Variants in CASQ2 observed in about 807,000 individuals in gnomAD.
CASQ2 encodes calsequestrin 2, also known as calsequestrin-2.
CASQ2 carries 49 observed loss-of-function variants against 46.5 expected under a neutral mutation model. That is an observed-to-expected ratio of 1.05 (90% confidence interval 0.84 to 1.34). CASQ2 has a LOEUF of 1.34. CASQ2 is among the 40% of genes most tolerant of loss of function. CASQ2 has a pLI of 0.00. For synonymous variants in CASQ2, 174 were observed against 168.5 expected, an observed-to-expected ratio of 1.03 and a Z score of -0.25; for missense variants, 486 against 481.3, an observed-to-expected ratio of 1.01 and a Z score of -0.09.
rs1427126999 is a variant in CASQ2, at chr1:115,705,760, G to A, written c.839-468C>T. On this transcript the variant is annotated intron_variant, in intron 8 of 10. Transcript: ENST00000261448. ...AATTGCTAAAACCTTCAAACCAAAC[G>A]AGCTTCTGATTTACAGTTGGTTTCA... Among the ~76,000 whole-genome samples the A allele has an allele frequency of 2.0e-5, 3 of 152,100 alleles. No homozygotes were observed. In the East Asian group the frequency reaches 5.8e-4, roughly 29 times the overall value.
chr1:115,719,496 T>C (rs1178674212), intron 7 of CASQ2, among the ~76,000 whole-genome samples: 1 of 152,214 alleles, frequency 6.6e-6, no homozygotes, highest in East Asian at 1.9e-4. Flanking sequence ...CCATATTTGT[T>C]TTCTAGAAGG....
chr1:115,734,828 G>T (rs993731458), intron 4 of CASQ2, among the ~76,000 whole-genome samples: 5 of 152,190 alleles, frequency 3.3e-5, no homozygotes, highest in Non-Finnish European at 7.3e-5. Context: ...GATGGCACCA[G>T]TTAGAAACCC....
At chr1:115,723,064 A>G (rs906239701) in intron 7 of CASQ2, among the ~76,000 whole-genome samples, 1 of 152,034 alleles carries the variant, frequency 6.6e-6, no homozygotes, top group Non-Finnish European at 1.5e-5. Context: ...AATAATAATA[A>G]TAAAAGAAAA....
At chr1:115,757,586 G>T (rs1414165809) in intron 1 of CASQ2, among the ~76,000 whole-genome samples, 1 of 152,098 alleles carries the variant, frequency 6.6e-6, no homozygotes, top group Non-Finnish European at 1.5e-5. Flanking sequence ...CCTCTCTTGG[G>T]GTTTGGAAAT....
intron 1 of CASQ2, among the ~76,000 whole-genome samples, chr1:115,754,316 G>T (rs1648682274): frequency 6.6e-6 from 1 of 152,132 alleles, no homozygotes; most frequent in Non-Finnish European, 1.5e-5. Flanking sequence ...GGAGAGAGAG[G>T]CTGTTGATTG....
chr1:115,708,424 A>C (rs1654429952), intron 8 of CASQ2, among the ~76,000 whole-genome samples: 1 of 152,230 alleles, frequency 6.6e-6, no homozygotes. Context: ...GACAGAACAG[A>C]GCCCATTCTT....
chr1:115,732,786 A>G lies in CASQ2; in HGVS notation c.606+115T>C. On this transcript the variant is annotated intron_variant, in intron 5 of 10. Coordinates refer to ENST00000261448, the MANE Select transcript of CASQ2 (RefSeq NM_001232.4). ...TATAATTCTTAACCCTTCTAGAGAA[A>G]GAGGCAAGGGAGGATGGTTAATGTT... is the stretch of plus-strand genomic sequence containing the variant. 3 of 772,008 alleles carry G rather than the reference A, an allele frequency of 3.9e-6. No homozygotes were observed. In the East Asian group the frequency reaches 7.4e-5, roughly 19 times the overall value. The allele number at this position is 772,008 out of a possible 1,614,324, so 47.8% of individuals were successfully genotyped here.
At chr1:115,751,335 A>G (rs542094453) in intron 1 of CASQ2, among the ~76,000 whole-genome samples, 1 of 152,258 alleles carries the variant, frequency 6.6e-6, no homozygotes, top group Non-Finnish European at 1.5e-5. Flanking sequence ...GTCAGCTCCA[A>G]GGGCCTTGTG....
intron 8 of CASQ2, among the ~76,000 whole-genome samples, chr1:115,706,751 T>TA (rs1425622722): frequency 2.0e-5 from 3 of 151,942 alleles, no homozygotes; most frequent in Non-Finnish European, 2.9e-5. Context: ...GTCTGGAGTC[T>TA]CAGCAAACTT....
intron 3 of CASQ2, among the ~76,000 whole-genome samples, chr1:115,739,063 TA>T (rs36062822): frequency 0.23 from 31,595 of 140,316 alleles, 4,782 homozygotes; most frequent in African/African-American, 0.43. Flanking sequence ...TTTCTTTTTT[TA>T]AAAAAAAAAA....
chr1:115,709,595 C>T (rs1021202606), intron 8 of CASQ2, among the ~76,000 whole-genome samples: 1 of 152,180 alleles, frequency 6.6e-6, no homozygotes, highest in African/African-American at 2.4e-5. Context: ...AGCATCAGTT[C>T]TCAAAATCAG....
chr1:115,748,472 GA>G (rs1238862087), intron 1 of CASQ2, among the ~76,000 whole-genome samples: 13 of 152,116 alleles, frequency 8.5e-5, no homozygotes, highest in Non-Finnish European at 2.9e-5. Flanking sequence ...GTTGGGGACT[GA>G]GGGGTGGGAG....
chr1:115,759,906 GAGGAT>G lies in CASQ2; in HGVS notation c.234+8397_234+8401del, dbSNP rs1474845798. 8.5e-5 allele frequency among the ~76,000 whole-genome samples: 13 copies of G among 152,280 alleles called. No homozygotes were observed. The South Asian group carries it at 2.7e-3, about 32-fold the overall frequency. On this transcript the variant is annotated intron_variant, in intron 1 of 10. Transcript: ENST00000261448. Reference sequence around the variant, plus strand: ...GAAGGTCAACTCTGAACCCTGACCTGAGGATAGTTAGAAGGCCACCTTCTGAGTTG... The same window carrying G: ...GAAGGTCAACTCTGAACCCTGACCTGAGTTAGAAGGCCACCTTCTGAGTTG...
At chr1:115,760,345 A>G (rs1236167375) in intron 1 of CASQ2, among the ~76,000 whole-genome samples, 1 of 152,214 alleles carries the variant, frequency 6.6e-6, no homozygotes, top group East Asian at 1.9e-4. Flanking sequence ...ATTCTGAGAT[A>G]TGGCCTGAGA....
chr1:115,744,105 C>T lies in CASQ2; in HGVS notation c.319+723G>A, dbSNP rs377331013. Among the ~76,000 whole-genome samples the T allele has an allele frequency of 8.8e-5, 13 of 148,554 alleles. No individual in the cohort carries two copies. The South Asian group carries it at 1.1e-3, about 12-fold the overall frequency. ...GTTGCAGTGAGCTGAAATCACATCA[C>T]GGCACTCCAGCCTGGGTGACAGTGA... On this transcript the variant is annotated intron_variant, in intron 2 of 10. Coordinates refer to ENST00000261448, the MANE Select transcript of CASQ2 (RefSeq NM_001232.4).
chr1:115,730,333 G>A (rs1647742886), intron 5 of CASQ2, among the ~76,000 whole-genome samples: 1 of 152,120 alleles, frequency 6.6e-6, no homozygotes, highest in Non-Finnish European at 1.5e-5. Flanking sequence ...CAACTCATAT[G>A]ATGTATTTAT....
chr1:115,741,556 C>G (rs926375721), intron 2 of CASQ2, among the ~76,000 whole-genome samples: 23 of 152,218 alleles, frequency 1.5e-4, no homozygotes, highest in Admixed American at 9.8e-4. Flanking sequence ...TCTTGGTATC[C>G]CAGAGCCTTG....
intron 1 of CASQ2, among the ~76,000 whole-genome samples, chr1:115,752,887 C>T (rs1273567853): frequency 6.6e-6 from 1 of 152,192 alleles, no homozygotes; most frequent in Non-Finnish European, 1.5e-5. Flanking sequence ...TCTCTGATCT[C>T]AGACCAAGAC....
intron 1 of CASQ2, among the ~76,000 whole-genome samples, chr1:115,746,154 A>C (rs910304397): frequency 9.2e-6 from 1 of 108,230 alleles, no homozygotes. Flanking sequence ...GCATGTATCG[A>C]TACGCTGTTT....
Sources: gnomAD v4.1 joint callset for allele counts (sites outside exome capture counted in the v4.1 genomes callset) on GRCh38, gnomAD v4.1.1 for gene constraint, MANE v1.5 for transcripts, NCBI Gene and HGNC (gene_info 2026-07-23, HGNC 2026-07-21) for gene names.